The following HOMER3 variants were observed in gnomAD, a reference collection of about 807,000 sequenced individuals.
The protein encoded by HOMER3 is homer protein homolog 3.
Under a neutral mutation model 45.5 loss-of-function variants are expected in HOMER3, and 34 were observed. That is an observed-to-expected ratio of 0.75 (90% confidence interval 0.57 to 1.00). The LOEUF is 1.00. HOMER3 is among the 50% of genes least tolerant of loss of function. The pLI is 0.00. For missense variants in HOMER3, 480 were observed against 497.5 expected (o/e 0.96, Z 0.33); for synonymous variants, 223 against 208.8 (o/e 1.07, Z -0.58).
Position 18,938,405 on chromosome 19 carries a change from CGACT to C in HOMER3, c.247_250del (p.Ser83AlafsTer16). The C allele has an allele frequency of 6.2e-7, 1 of 1,614,040 alleles. No homozygotes were observed. The highest frequency in any genetic ancestry group is 8.5e-7 in the Non-Finnish European group (1 of 1,179,956). On this transcript the variant is annotated frameshift_variant, in exon 4 of 10. Coordinates refer to ENST00000392351, the MANE Select transcript of HOMER3 (RefSeq NM_004838.4). LOFTEE classifies it high-confidence loss of function. Reference sequence around the variant, plus strand: ...GCCCAGGCCGTAGACTGTGTTGGCGCGACTGTCGGCCCACTGCCCGAACTTCTGG... The same window carrying C: ...GCCCAGGCCGTAGACTGTGTTGGCGCGTCGGCCCACTGCCCGAACTTCTGG...
At position 18,938,492 on chromosome 19, in the gene HOMER3, C is replaced by T. The variant is rs745896344; in HGVS notation, c.172-8G>A. ...AGTGCTGTTGATGATGGCCTAGGGT[C>T]GGGGAACAAAGTTCAAGGTAGATGG... On this transcript the variant is annotated splice_polypyrimidine_tract_variant and splice_region_variant and intron_variant, in intron 3 of 9. Transcript: ENST00000392351. The T allele has an allele frequency of 3.7e-6, 6 of 1,610,740 alleles. No individual in the cohort carries two copies. Among genetic ancestry groups the T allele is most frequent in the Non-Finnish European group, 5.1e-6 (6 of 1,177,264 alleles).
At chr19:18,932,335 G>A (rs2057044423) in intron 6 of HOMER3, among the ~76,000 whole-genome samples, 1 of 137,700 alleles carries the variant, frequency 7.3e-6, no homozygotes, top group South Asian at 2.5e-4. Context: ...GGCGGAGTCA[G>A]CGGCAATGCT....
At chr19:18,938,262 G>A (rs1020610268) in intron 4 of HOMER3, 91 bp downstream of exon 4, 104 of 1,407,138 alleles carry the variant, frequency 7.4e-5, no homozygotes, top group Non-Finnish European at 9.4e-5. Flanking sequence ...TGGGAAGATA[G>A]GGGACCTGCC....
intron 3 of HOMER3, 65 bp from the exon 4 acceptor site, chr19:18,938,549 G>A: frequency 6.4e-7 from 1 of 1,556,758 alleles, no homozygotes; most frequent in Non-Finnish European, 8.8e-7. Flanking sequence ...AACCCCCCAG[G>A]TATTACCTTG....
rs1334922453 is a variant in HOMER3, at chr19:18,931,982, C to A, written c.684G>T (p.Arg228=). The A allele has an allele frequency of 3.3e-6, 5 of 1,529,264 alleles. No individual in the cohort carries two copies. The East Asian group carries it at 9.9e-5, about 30-fold the overall frequency. 94.7% of individuals were successfully genotyped at this position (1,529,264 alleles called of 1,614,324 possible). A position where few individuals can be genotyped will look rare whatever the true frequency, so the allele number is the denominator to read the frequency against. The change falls in exon 7 of 10, where the codon CGG becomes CGT. Residue 228 remains arginine (R), a synonymous_variant. Transcript: ENST00000392351. ...GAGGGAGGGGTGCCCTCACCCGCTG[C>A]CGCAGCCGCTCGGCCTCTGCACGCT... ...EAQRAEAERL[R]QRVAELEAQA...
chr19:18,930,662 G>T (rs1313641734), intron 9 of HOMER3, among the ~76,000 whole-genome samples: 1 of 152,056 alleles, frequency 6.6e-6, no homozygotes, highest in African/African-American at 2.4e-5. Context: ...ATTGCTCACG[G>T]TCAGGAGTTC....
At chr19:18,938,521 A>T (rs2057118881) in intron 3 of HOMER3, 37 bp from the exon 4 acceptor site, 2 of 1,598,246 alleles carry the variant, frequency 1.3e-6, no homozygotes, top group Non-Finnish European at 1.7e-6. Flanking sequence ...TAGATGGGAC[A>T]GATACTAACA....
At position 18,938,765 on chromosome 19, in the gene HOMER3, C is replaced by T. The variant is rs1238432597; in HGVS notation, c.134G>A (p.Arg45His). The T allele has an allele frequency of 3.8e-6, 6 of 1,597,102 alleles. No homozygotes were observed. The highest frequency in any genetic ancestry group is 2.3e-5 in the East Asian group (1 of 44,384). The change falls in exon 3 of 10, where the codon CGC becomes CAC. Residue 45 changes from arginine (R) to histidine (H), a missense_variant. Physicochemically the swap from Arg to His is conservative, Grantham distance 29. Transcript: ENST00000392351. Reference protein sequence around the residue: ...LTVSYFYDATRNVYRIISIGG... With the variant: ...LTVSYFYDATHNVYRIISIGG... Reference sequence around the variant, plus strand: ...GATGCTGATGATGCGGTACACATTGCGGGTGGCATCGTAGAAATAGGAGAC... The same window carrying T: ...GATGCTGATGATGCGGTACACATTGTGGGTGGCATCGTAGAAATAGGAGAC...
At chr19:18,939,278 A>C in intron 1 of HOMER3, 1 of 387,742 alleles carries the variant, frequency 2.6e-6, no homozygotes, top group Non-Finnish European at 4.6e-6. Flanking sequence ...CATCTCTACC[A>C]AAAATTTAAA....
At position 18,932,096 on chromosome 19, in the gene HOMER3, G is replaced by A. The variant is rs80104014; in HGVS notation, c.570C>T (p.Phe190=). 8.9e-4 allele frequency: 1,396 copies of A among 1,570,392 alleles called. 4 individuals are homozygous for A. The highest frequency in any genetic ancestry group is 3.9e-3 in the South Asian group (330 of 85,618). The change falls in exon 7 of 10, where the codon TTC becomes TTT. Residue 190 remains phenylalanine, a synonymous_variant. Coordinates refer to ENST00000392351, the MANE Select transcript of HOMER3 (RefSeq NM_004838.4). ...VGEVQWEAEF[F]ALQDSNNKLA... ...GCTTGTTGTTGCTGTCCTGCAGTGC[G>A]AAAAACTCGGCCTCCCACTGTACCT...
intron 9 of HOMER3, among the ~76,000 whole-genome samples, chr19:18,930,732 G>T (rs546340565): frequency 4.0e-5 from 6 of 151,456 alleles, no homozygotes; most frequent in African/African-American, 1.2e-4. Flanking sequence ...AAAAATGCCC[G>T]GGCACGGTGG....
chr19:18,934,406 G>A lies in HOMER3; in HGVS notation c.308C>T (p.Ala103Val). 1 of 1,581,438 alleles carries A rather than the reference G, an allele frequency of 6.3e-7. No individual in the cohort carries two copies. The highest frequency in any genetic ancestry group is 1.2e-5 in the South Asian group (1 of 86,040). Reference protein sequence around the residue: ...FASEQHLTQFAEKFQEVKEAA... With the variant: ...FASEQHLTQFVEKFQEVKEAA... The stretch of plus-strand genomic sequence containing the variant: ...TTCCTTCACTTCCTGGAACTTCTCG[G>A]CAAACTAAGGGAGTGGGGAGGAAAA... The change falls in exon 5 of 10, where the codon GCC (alanine) becomes GTC (valine). Residue 103 changes from alanine (A) to valine (V), a missense_variant. Transcript: ENST00000392351.
intron 7 of HOMER3, 143 bp downstream of exon 7, chr19:18,931,833 A>C: frequency 7.0e-7 from 1 of 1,427,474 alleles, no homozygotes; most frequent in Non-Finnish European, 9.2e-7. Context: ...CATTTTACAG[A>C]GCAAGAAACT....
At chr19:18,933,898 G>A (rs2057064771) in intron 5 of HOMER3, among the ~76,000 whole-genome samples, 1 of 152,066 alleles carries the variant, frequency 6.6e-6, no homozygotes, top group Non-Finnish European at 1.5e-5. Flanking sequence ...CAGAGGTGGA[G>A]TATCACCATG....
chr19:18,931,986 A>C lies in HOMER3; in HGVS notation c.680T>G (p.Leu227Arg). 6.5e-7 allele frequency: 1 copy of C among 1,530,400 alleles called. No homozygotes were observed. The highest frequency in any genetic ancestry group is 8.8e-7 in the Non-Finnish European group (1 of 1,137,042). The allele number at this position is 1,530,400 out of a possible 1,614,324, so 94.8% of individuals were successfully genotyped here. A position where few individuals can be genotyped will look rare whatever the true frequency, so the allele number is the denominator to read the frequency against. Residue 227 changes from leucine (L) to arginine (R), a missense_variant, in exon 7 of 10, where the codon CTG becomes CGG. Physicochemically the swap from Leu to Arg is moderately radical, Grantham distance 102. Coordinates refer to ENST00000392351, the MANE Select transcript of HOMER3 (RefSeq NM_004838.4). ...GAGGGGTGCCCTCACCCGCTGCCGC[A>C]GCCGCTCGGCCTCTGCACGCTGAGC... is the stretch of plus-strand genomic sequence containing the variant. ...LEAQRAEAER[L>R]RQRVAELEAQ...
chr19:18,931,177 C>A (rs982393649), intron 9 of HOMER3, 148 bp downstream of exon 9: 16 of 654,468 alleles, frequency 2.4e-5, no homozygotes, highest in Non-Finnish European at 4.3e-5. Context: ...GTACCAACAG[C>A]CACTGTTCAC....
intron 7 of HOMER3, 136 bp from the exon 8 acceptor site, chr19:18,931,761 C>T (rs955099613): frequency 6.1e-6 from 9 of 1,474,188 alleles, no homozygotes; most frequent in Admixed American, 2.4e-5. Context: ...GCCACCACCC[C>T]CCTCTGCACA....
intron 4 of HOMER3, among the ~76,000 whole-genome samples, chr19:18,936,102 T>G (rs1397350191): frequency 6.8e-6 from 1 of 148,088 alleles, no homozygotes; most frequent in African/African-American, 2.5e-5. Context: ...GATCATGAGG[T>G]CAGGAGTTCA....
chr19:18,935,097 CTCCCAAAG>C (rs2057077735), intron 4 of HOMER3, among the ~76,000 whole-genome samples: 1 of 150,822 alleles, frequency 6.6e-6, no homozygotes, highest in African/African-American at 2.4e-5. Flanking sequence ...CTGCCTCAGC[CTCCCAAAG>C]TGGTGGGATT....
Sources: allele counts gnomAD v4.1 joint callset (sites outside exome capture counted in the v4.1 genomes callset), GRCh38; gene constraint gnomAD v4.1.1; transcripts MANE v1.5; gene names NCBI Gene and HGNC (gene_info 2026-07-23, HGNC 2026-07-21).